Variants in IL1RAPL1 observed in about 807,000 individuals in gnomAD.
IL1RAPL1 encodes interleukin 1 receptor accessory protein like 1, also known as interleukin-1 receptor accessory protein-like 1.
IL1RAPL1 carries 3 observed loss-of-function variants against 48.4 expected under a neutral mutation model. That is an observed-to-expected ratio of 0.06 (90% CI 0.03 to 0.16). The LOEUF (loss-of-function observed/expected upper bound fraction) is 0.16, where lower values mean the gene tolerates loss of function less well. Ranked by LOEUF, IL1RAPL1 falls within the 10% of genes least tolerant of loss-of-function variation. The pLI is 1.00. For synonymous variants in IL1RAPL1, 185 were observed against 187.7 expected, an observed-to-expected ratio of 0.99 and a Z score of 0.12; for missense variants, 349 against 530.6, an observed-to-expected ratio of 0.66 and a Z score of 3.36.
chrX:29,305,054 A>G (rs1932596808), intron 3 of IL1RAPL1, among the ~76,000 whole-genome samples: 1 of 112,891 alleles, frequency 8.9e-6, no homozygotes, highest in South Asian at 3.6e-4. Context: ...TTGCCTTCAT[A>G]GGACTCATAG....
At chrX:29,383,980 C>T (rs1391529747) in intron 3 of IL1RAPL1, among the ~76,000 whole-genome samples, 1 of 112,126 alleles carries the variant, frequency 8.9e-6, no homozygotes, top group African/African-American at 3.2e-5. Flanking sequence ...CATGTTTGAA[C>T]ACTGTTATTT....
intron 2 of IL1RAPL1, among the ~76,000 whole-genome samples, chrX:28,893,015 A>G (rs771291548): frequency 3.0e-4 from 33 of 111,309 alleles, no homozygotes; most frequent in Admixed American, 4.8e-4. Flanking sequence ...AGCACCAGGA[A>G]GTATCAGCTG....
At chrX:29,363,617 C>T (rs937583097) in intron 3 of IL1RAPL1, among the ~76,000 whole-genome samples, 12 of 111,240 alleles carry the variant, frequency 1.1e-4, no homozygotes, top group Non-Finnish European at 1.9e-4. Context: ...AATTGGCTCA[C>T]GATTTTGCAG....
At chrX:28,769,955 T>TA in intron 1 of IL1RAPL1, among the ~76,000 whole-genome samples, 2 of 112,018 alleles carry the variant, frequency 1.8e-5, no homozygotes, top group South Asian at 7.5e-4. Flanking sequence ...ACAAAGATCT[T>TA]AATGTATGAG....
intron 2 of IL1RAPL1, among the ~76,000 whole-genome samples, chrX:28,796,083 A>G (rs1238248870): frequency 1.8e-5 from 2 of 111,484 alleles, no homozygotes; most frequent in Non-Finnish European, 3.8e-5. Flanking sequence ...CGTTTTCAAA[A>G]CCATCAGATC....
At chrX:29,355,127 C>T (rs944664867) in intron 3 of IL1RAPL1, among the ~76,000 whole-genome samples, 3 of 111,916 alleles carry the variant, frequency 2.7e-5, no homozygotes, top group African/African-American at 9.7e-5. Flanking sequence ...GAAAGAGACA[C>T]CCTTACAAAT....
At chrX:29,154,311 G>A (rs774617347) in intron 2 of IL1RAPL1, among the ~76,000 whole-genome samples, 77 of 111,344 alleles carry the variant, frequency 6.9e-4, no homozygotes, top group Middle Eastern at 4.6e-3. Flanking sequence ...AGGCCGAGGC[G>A]GGTGGATCAC....
intron 5 of IL1RAPL1, among the ~76,000 whole-genome samples, chrX:29,436,412 A>C (rs1934482399): frequency 9.0e-6 from 1 of 110,502 alleles, no homozygotes; most frequent in Admixed American, 9.6e-5. Context: ...GATTTTACTA[A>C]GTACCGTGAT....
At chrX:29,779,077 G>A (rs890130803) in intron 6 of IL1RAPL1, among the ~76,000 whole-genome samples, 4 of 111,613 alleles carry the variant, frequency 3.6e-5, no homozygotes, top group Non-Finnish European at 5.7e-5. Flanking sequence ...TGAGTACCTC[G>A]ATATTAAGCA....
intron 2 of IL1RAPL1, among the ~76,000 whole-genome samples, chrX:29,122,514 C>T (rs189016506): frequency 1.1e-5 from 1 of 92,215 alleles, no homozygotes; most frequent in South Asian, 6.6e-4. Context: ...GGCTGTAAAT[C>T]GGCTATTTTT....
At chrX:29,193,026 C>T (rs1486022558) in intron 2 of IL1RAPL1, among the ~76,000 whole-genome samples, 1 of 110,759 alleles carries the variant, frequency 9.0e-6, no homozygotes, top group Non-Finnish European at 1.9e-5. Flanking sequence ...TCTATATTTA[C>T]ATTATAGGAT....
chrX:29,378,405 T>C (rs947563359), intron 3 of IL1RAPL1, among the ~76,000 whole-genome samples: 2 of 111,895 alleles, frequency 1.8e-5, no homozygotes, highest in African/African-American at 6.5e-5. Context: ...GAAGCATTGC[T>C]GGGGAGCTGG....
intron 2 of IL1RAPL1, among the ~76,000 whole-genome samples, chrX:29,035,423 A>G (rs1238905162): frequency 8.9e-6 from 1 of 111,939 alleles, no homozygotes; most frequent in Non-Finnish European, 1.9e-5. Flanking sequence ...AAAATAGTTT[A>G]TTTTTCAAAT....
intron 3 of IL1RAPL1, among the ~76,000 whole-genome samples, chrX:29,308,072 A>G (rs1256546779): frequency 1.8e-5 from 2 of 112,210 alleles, no homozygotes; most frequent in Non-Finnish European, 3.8e-5. Flanking sequence ...AACCGAGATC[A>G]AAGACTGATT....
chrX:29,029,778 T>C (rs144348953), intron 2 of IL1RAPL1, among the ~76,000 whole-genome samples: 1,411 of 112,040 alleles, frequency 0.013, 26 homozygotes, highest in African/African-American at 0.044. Context: ...CTTTGATAAA[T>C]ATTGCCTCTA....
chrX:29,034,387 C>T (rs1360406544), intron 2 of IL1RAPL1, among the ~76,000 whole-genome samples: 2 of 111,317 alleles, frequency 1.8e-5, no homozygotes, highest in African/African-American at 6.5e-5. Flanking sequence ...TAATATTAGC[C>T]AGGACTTCTA....
At chrX:28,742,310 T>A (rs1935918275) in intron 1 of IL1RAPL1, among the ~76,000 whole-genome samples, 1 of 111,674 alleles carries the variant, frequency 9.0e-6, no homozygotes, top group East Asian at 2.8e-4. Flanking sequence ...AAAATAATTA[T>A]GTTTAGTGCA....
Position 29,490,328 on chromosome X carries a change from T to C in IL1RAPL1, c.703+91020T>C, listed in dbSNP as rs1935142342. Among the ~76,000 whole-genome samples the C allele has an allele frequency of 2.7e-5, 3 of 110,338 alleles. No individual in the cohort carries two copies. In the South Asian group the frequency reaches 1.2e-3, roughly 43 times the overall value. On this transcript the variant is annotated intron_variant, in intron 5 of 10. Transcript: ENST00000378993. Reference sequence around the variant, plus strand: ...GGGCGGATCACTTGAGGCCAGGAGTTCAAGACCAGCCCAGGCAACATGGCA... The same window carrying C: ...GGGCGGATCACTTGAGGCCAGGAGTCCAAGACCAGCCCAGGCAACATGGCA...
At chrX:29,729,796 G>T (rs1927870268) in intron 6 of IL1RAPL1, among the ~76,000 whole-genome samples, 1 of 111,373 alleles carries the variant, frequency 9.0e-6, no homozygotes, top group South Asian at 3.8e-4. Context: ...TCCATAGGCT[G>T]GCAGATATGC....
Sources: gnomAD v4.1 joint callset for allele counts (sites outside exome capture counted in the v4.1 genomes callset) on GRCh38, gnomAD v4.1.1 for gene constraint, MANE v1.5 for transcripts, NCBI Gene and HGNC (gene_info 2026-07-23, HGNC 2026-07-21) for gene names.